The following SNX4 variants were observed in gnomAD, a reference collection of about 807,000 sequenced individuals.
The protein encoded by SNX4 is sorting nexin 4.
A neutral mutation model predicts 70.8 loss-of-function variants in SNX4; 49 were observed. The ratio of observed to expected loss-of-function variants is 0.69; its 90% CI spans 0.55 to 0.88. SNX4 has a LOEUF of 0.88. SNX4 is among the 40% of genes least tolerant of loss of function. The pLI, the probability that SNX4 is intolerant of heterozygous loss-of-function variation, is 0.00. For synonymous variants in SNX4, 206 were observed against 183.8 expected (o/e 1.12, Z -0.98); for missense variants, 528 against 544.8 (o/e 0.97, Z 0.31).
rs540777809 is a variant in SNX4, at chr3:125,497,215, A to G, written c.597+126T>C. 24 of 586,058 alleles carry G rather than the reference A, an allele frequency of 4.1e-5. No individual in the cohort carries two copies. In the East Asian group the frequency reaches 6.4e-4, roughly 16 times the overall value. The allele number at this position is 586,058 out of a possible 1,614,324, so 36.3% of individuals were successfully genotyped here. ...TAGTGTTTCTTTGAAAACCTTACCA[A>G]TGATATTTATTGTAAGACGATTTCC... On this transcript the variant is annotated intron_variant, in intron 5 of 13. Coordinates refer to ENST00000251775, the MANE Select transcript of SNX4 (RefSeq NM_003794.4).
At chr3:125,517,176 G>C (rs946588849) in intron 1 of SNX4, 1 of 151,766 alleles carries the variant, frequency 6.6e-6, no homozygotes, top group East Asian at 1.9e-4. Context: ...TTTTTTTAAT[G>C]AAGCAAAATG....
Position 125,520,186 on chromosome 3 carries a change from C to T in SNX4, c.-14G>A. The T allele has an allele frequency of 7.7e-7, 1 of 1,290,712 alleles. No homozygotes were observed. Among genetic ancestry groups the T allele is most frequent in the South Asian group, 1.9e-5 (1 of 53,650 alleles). 80.0% of individuals were successfully genotyped at this position (1,290,712 alleles called of 1,614,324 possible). Reference sequence around the variant, plus strand: ...TGCCTGCTCCATGGCTGCAGTTCGGCGCGGCGAACCCAGTGCGCCTGCGCC... The same window carrying T: ...TGCCTGCTCCATGGCTGCAGTTCGGTGCGGCGAACCCAGTGCGCCTGCGCC... On this transcript the variant is annotated 5_prime_UTR_variant, in exon 1 of 14. Coordinates refer to ENST00000251775, the MANE Select transcript of SNX4 (RefSeq NM_003794.4).
At position 125,457,347 on chromosome 3, in the gene SNX4, A is replaced by G. The variant is rs1212290555; in HGVS notation, c.963T>C (p.His321=). 2 of 1,613,700 alleles carry G rather than the reference A, an allele frequency of 1.2e-6. No homozygotes were observed. Among genetic ancestry groups the G allele is most frequent in the East Asian group, 2.2e-5 (1 of 44,876 alleles). ...TCTCCAAGTCATACTGCATAAGTTC[A>G]TGTTTCCTGCACACAGCCCTACAGA... ...AEALRAVCRK[H]ELMQYDLEMA... is the part of the protein sequence containing the mutation. The change falls in exon 11 of 14, where the codon CAT becomes CAC. Residue 321 remains histidine (H), a synonymous_variant. Transcript: ENST00000251775.
At chr3:125,503,173 C>T (rs947922473) in intron 2 of SNX4, among the ~76,000 whole-genome samples, 4 of 152,048 alleles carry the variant, frequency 2.6e-5, no homozygotes, top group Non-Finnish European at 5.9e-5. Context: ...TCCCAAAGTG[C>T]GGAGATTACA....
At chr3:125,458,026 TTACA>T (rs1226147794) in intron 10 of SNX4, among the ~76,000 whole-genome samples, 2 of 152,108 alleles carry the variant, frequency 1.3e-5, no homozygotes, top group South Asian at 2.1e-4. Context: ...GTATACATAA[TTACA>T]TACATAATGA....
chr3:125,475,743 G>A lies in SNX4; in HGVS notation c.788+952C>T, dbSNP rs952602558. 1.9e-3 allele frequency among the ~76,000 whole-genome samples: 285 copies of A among 152,270 alleles called. 7 individuals are homozygous for A. The highest frequency in any genetic ancestry group is 0.017 in the Admixed American group (261 of 15,298). ...TGTAATCCTAGCACTATGGGGGGCC[G>A]AAGCCAATGGATCACCTGAGCTCAG... is the stretch of plus-strand genomic sequence containing the variant. On this transcript the variant is annotated intron_variant, in intron 8 of 13. Transcript: ENST00000251775.
chr3:125,500,058 C>G (rs1934890669), intron 2 of SNX4, among the ~76,000 whole-genome samples: 1 of 151,480 alleles, frequency 6.6e-6, no homozygotes, highest in African/African-American at 2.4e-5. Context: ...GAAACTCCAT[C>G]TCAAGAAAAA....
chr3:125,495,277 T>TATATATATATATATATACATACAC lies in SNX4; in HGVS notation c.597+2063_597+2064insGTGTATGTATATATATATATATAT. ...ATATATATATATATATATATATATA[T>TATATATATATATATATACATACAC]ACACATACACACACACACACGTATG... On this transcript the variant is annotated intron_variant, in intron 5 of 13. Coordinates refer to ENST00000251775, the MANE Select transcript of SNX4 (RefSeq NM_003794.4). Among the ~76,000 whole-genome samples, 164 of 99,582 alleles carry TATATATATATATATATACATACAC rather than the reference T, an allele frequency of 1.6e-3. 5 individuals are homozygous for TATATATATATATATATACATACAC. In the East Asian group the frequency reaches 0.021, roughly 13 times the overall value. The allele number at this position is 99,582 out of a possible 152,430, so 65.3% of individuals were successfully genotyped here. A position where few individuals can be genotyped will look rare whatever the true frequency, so the allele number is the denominator to read the frequency against.
intron 12 of SNX4, among the ~76,000 whole-genome samples, chr3:125,453,496 T>TTTTATTTA (rs10543977): frequency 1.2e-4 from 14 of 121,668 alleles, no homozygotes; most frequent in South Asian, 5.7e-4. Context: ...TTTCTTTTAT[T>TTTTATTTA]TTTATTTATT....
At chr3:125,477,499 G>C (rs1934313366) in intron 7 of SNX4, among the ~76,000 whole-genome samples, 1 of 152,084 alleles carries the variant, frequency 6.6e-6, no homozygotes, top group Admixed American at 6.5e-5. Flanking sequence ...CAAACTGGAA[G>C]ACCAAAGGCT....
At chr3:125,461,875 A>G (rs200474873) in intron 9 of SNX4, among the ~76,000 whole-genome samples, 1 of 151,958 alleles carries the variant, frequency 6.6e-6, no homozygotes, top group Admixed American at 6.6e-5. Context: ...GTTAGCCAGG[A>G]TGGTCTCGAT....
intron 1 of SNX4, among the ~76,000 whole-genome samples, chr3:125,505,322 A>G (rs1935023629): frequency 6.6e-6 from 1 of 152,190 alleles, no homozygotes; most frequent in Non-Finnish European, 1.5e-5. Context: ...CATTAGACAC[A>G]AAGGATTCTG....
rs373626857 is a variant in SNX4, at chr3:125,457,340, T to C, written c.970A>G (p.Met324Val). 13 of 1,613,984 alleles carry C rather than the reference T, an allele frequency of 8.1e-6. No individual in the cohort carries two copies. The highest frequency in any genetic ancestry group is 1.1e-5 in the Non-Finnish European group (13 of 1,179,854). Residue 324 changes from methionine (M) to valine (V), a missense_variant, in exon 11 of 14, where the codon ATG becomes GTG. By Grantham distance (21) the Met-to-Val change is conservative. Transcript: ENST00000251775. ...GCAGCCATCTCCAAGTCATACTGCA[T>C]AAGTTCATGTTTCCTGCACACAGCC... ...LRAVCRKHEL[M>V]QYDLEMAAQD...
chr3:125,510,035 GA>G (rs1935137843), intron 1 of SNX4, among the ~76,000 whole-genome samples: 1 of 152,138 alleles, frequency 6.6e-6, no homozygotes, highest in African/African-American at 2.4e-5. Context: ...AGCTGCTGTA[GA>G]AAACAGTACA....
At chr3:125,449,698 A>C (rs1001720988) in intron 13 of SNX4, among the ~76,000 whole-genome samples, 2 of 152,158 alleles carry the variant, frequency 1.3e-5, no homozygotes, top group Non-Finnish European at 2.9e-5. Flanking sequence ...AGTATGTCCA[A>C]ATACAGCTAT....
chr3:125,498,208 G>C lies in SNX4; in HGVS notation c.264-14C>G. 1 of 1,596,942 alleles carries C rather than the reference G, an allele frequency of 6.3e-7. No individual in the cohort carries two copies. The highest frequency in any genetic ancestry group is 8.5e-7 in the Non-Finnish European group (1 of 1,174,198). ...TGTTCAACTGACCTGAAAAGGAACA[G>C]AACAACACTTGTTATTTTTTATAAA... is the stretch of plus-strand genomic sequence containing the variant. On this transcript the variant is annotated splice_polypyrimidine_tract_variant and intron_variant, in intron 2 of 13. Transcript: ENST00000251775.
At chr3:125,490,679 C>T (rs1398571751) in intron 5 of SNX4, among the ~76,000 whole-genome samples, 6 of 151,706 alleles carry the variant, frequency 4.0e-5, no homozygotes, top group Non-Finnish European at 8.8e-5. Flanking sequence ...TAGATAATTA[C>T]TCTCAAAGAA....
chr3:125,474,686 C>T (rs1934252531), intron 8 of SNX4, among the ~76,000 whole-genome samples: 1 of 152,226 alleles, frequency 6.6e-6, no homozygotes, highest in South Asian at 2.1e-4. Flanking sequence ...CAAACCTGTA[C>T]AATATTTATC....
At chr3:125,482,051 C>T (rs1249127582) in intron 6 of SNX4, among the ~76,000 whole-genome samples, 5 of 152,116 alleles carry the variant, frequency 3.3e-5, no homozygotes, top group Admixed American at 2.6e-4. Context: ...GGTAGTTATA[C>T]TTTGAAAACA....
Sources: allele counts gnomAD v4.1 joint callset (sites outside exome capture counted in the v4.1 genomes callset), GRCh38; gene constraint gnomAD v4.1.1; transcripts MANE v1.5; gene names NCBI Gene and HGNC (gene_info 2026-07-23, HGNC 2026-07-21).